Variants in APBA2 observed in about 807,000 individuals in gnomAD.
APBA2 encodes amyloid-beta A4 precursor protein-binding family A member 2.
A neutral mutation model predicts 75.0 loss-of-function variants in APBA2; 30 were observed. That is an observed-to-expected ratio of 0.40 (90% confidence interval 0.30 to 0.54). APBA2 has a LOEUF of 0.54. APBA2 is among the 20% of genes least tolerant of loss of function. The probability of loss-of-function intolerance (pLI) is 0.49; values close to 1 mark genes in which losing one functional copy is unlikely to be tolerated. For missense variants in APBA2, 801 were observed against 1,016.1 expected (o/e 0.79, Z 2.88); for synonymous variants, 444 against 409.6 (o/e 1.08, Z -1.01).
At chr15:28,993,156 CA>C (rs1402028542) in intron 2 of APBA2, among the ~76,000 whole-genome samples, 1 of 152,146 alleles carries the variant, frequency 6.6e-6, no homozygotes, top group Non-Finnish European at 1.5e-5. Flanking sequence ...GCCCGCCCCC[CA>C]AATATGCCTG....
intron 6 of APBA2, among the ~76,000 whole-genome samples, chr15:29,089,335 G>A (rs1370438150): frequency 6.6e-6 from 1 of 152,202 alleles, no homozygotes; most frequent in Non-Finnish European, 1.5e-5. Flanking sequence ...AGGACTGGGT[G>A]GAACTGTACC....
intron 3 of APBA2, among the ~76,000 whole-genome samples, chr15:29,040,115 C>A (rs1234433545): frequency 2.6e-5 from 4 of 152,188 alleles, no homozygotes; most frequent in African/African-American, 9.7e-5. Context: ...TTTGTTTTGT[C>A]TTTTCCTCTC....
intron 10 of APBA2, 85 bp downstream of exon 10, chr15:29,101,869 C>T (rs1324079994): frequency 5.1e-6 from 7 of 1,384,754 alleles, no homozygotes; most frequent in Admixed American, 1.9e-5. Context: ...GGAAACCACC[C>T]TCAGGTGGAA....
At position 29,105,490 on chromosome 15, in the gene APBA2, A is replaced by G. The variant is rs368616906; in HGVS notation, c.1636A>G (p.Ile546Val). ...EDLSQKEYSD[I>V]INTQEMYNDD... is the part of the protein sequence containing the mutation. ...CTTGAGCCAGAAGGAATACAGCGAC[A>G]TCATCAACACCCAGGAGATGTACAA... The change falls in exon 11 of 15, where the codon ATC becomes GTC. Residue 546 changes from isoleucine (I) to valine (V), a missense_variant. Ile to Val is a conservative substitution (Grantham distance 29). Coordinates refer to ENST00000683413, the MANE Select transcript of APBA2 (RefSeq NM_001353788.2). 34 of 1,613,912 alleles carry G rather than the reference A, an allele frequency of 2.1e-5. No homozygotes were observed. The highest frequency in any genetic ancestry group is 2.9e-5 in the Non-Finnish European group (34 of 1,180,048).
chr15:29,070,167 GT>G (rs1398775681), intron 4 of APBA2, among the ~76,000 whole-genome samples: 1 of 152,124 alleles, frequency 6.6e-6, no homozygotes, highest in Non-Finnish European at 1.5e-5. Flanking sequence ...AGTGGTGAGG[GT>G]TGTACAACAT....
At chr15:29,015,425 T>A (rs919879672) in intron 3 of APBA2, among the ~76,000 whole-genome samples, 1 of 152,140 alleles carries the variant, frequency 6.6e-6, no homozygotes, top group Non-Finnish European at 1.5e-5. Flanking sequence ...AGTTGGTAAA[T>A]CCCATCCCAA....
intron 2 of APBA2, among the ~76,000 whole-genome samples, chr15:28,963,059 G>A (rs767534896): frequency 6.6e-6 from 1 of 152,178 alleles, no homozygotes; most frequent in Non-Finnish European, 1.5e-5. Context: ...GGTGCACTGG[G>A]GACTGAATGG....
At chr15:29,076,146 A>T in intron 6 of APBA2, 55 bp downstream of exon 6, 1 of 1,577,116 alleles carries the variant, frequency 6.3e-7, no homozygotes, top group South Asian at 1.1e-5. Context: ...ACATCAAAAT[A>T]AATGGTGCTT....
chr15:29,025,469 G>T (rs371713172), intron 3 of APBA2, among the ~76,000 whole-genome samples: 2 of 128,670 alleles, frequency 1.6e-5, no homozygotes. Context: ...GGTTTTCACC[G>T]TGTTAGCCAG....
intron 4 of APBA2, among the ~76,000 whole-genome samples, chr15:29,056,079 T>TAGC (rs1410555513): frequency 6.6e-6 from 1 of 152,212 alleles, no homozygotes; most frequent in Non-Finnish European, 1.5e-5. Flanking sequence ...ACGTGGGCTG[T>TAGC]GCAGAGCGTG....
chr15:29,046,796 C>T lies in APBA2; in HGVS notation c.-40-7049C>T, dbSNP rs150222707. Among the ~76,000 whole-genome samples, 81 of 152,302 alleles carry T rather than the reference C, an allele frequency of 5.3e-4. No homozygotes were observed. The East Asian group carries it at 0.015, about 29-fold the overall frequency. On this transcript the variant is annotated intron_variant, in intron 3 of 14. Coordinates refer to ENST00000683413, the MANE Select transcript of APBA2 (RefSeq NM_001353788.2). The surrounding 1 kb of genome is among the most constrained non-coding windows in gnomAD (Gnocchi z 5.0). The stretch of plus-strand genomic sequence containing the variant: ...TGCTTTCCTCAGTCCCTCCAAGATG[C>T]ACCCATATCCCACTGCAGGGATGCA...
chr15:29,089,879 G>A (rs2043473849), intron 6 of APBA2, among the ~76,000 whole-genome samples: 1 of 152,166 alleles, frequency 6.6e-6, no homozygotes, highest in African/African-American at 2.4e-5. Flanking sequence ...TCTCCCTCTG[G>A]TGGTCTCAGC....
intron 2 of APBA2, among the ~76,000 whole-genome samples, chr15:28,963,925 T>C (rs1040524953): frequency 4.6e-5 from 7 of 152,168 alleles, no homozygotes; most frequent in Non-Finnish European, 7.3e-5. Flanking sequence ...TTCTGTCCAA[T>C]TGCATGTGCA....
intron 1 of APBA2, among the ~76,000 whole-genome samples, chr15:28,887,301 C>T (rs2031810628): frequency 6.6e-6 from 1 of 152,204 alleles, no homozygotes; most frequent in African/African-American, 2.4e-5. Flanking sequence ...CCTCCTGTGC[C>T]TCTTTCTGTT....
chr15:28,901,235 G>A (rs552045513), intron 1 of APBA2, among the ~76,000 whole-genome samples: 2 of 152,314 alleles, frequency 1.3e-5, no homozygotes, highest in East Asian at 1.9e-4. Flanking sequence ...CATCACCGTG[G>A]CCTGAGGATC....
intron 2 of APBA2, among the ~76,000 whole-genome samples, chr15:28,948,464 C>G (rs2035669192): frequency 6.6e-6 from 1 of 152,034 alleles, no homozygotes; most frequent in South Asian, 2.1e-4. Context: ...GACATGTTAG[C>G]TCTCTGCCCT....
intron 6 of APBA2, among the ~76,000 whole-genome samples, chr15:29,088,411 G>A (rs1480274252): frequency 6.6e-6 from 1 of 152,112 alleles, no homozygotes; most frequent in East Asian, 1.9e-4. Flanking sequence ...CACTAAACTT[G>A]CCTGGAATCC....
intron 3 of APBA2, among the ~76,000 whole-genome samples, chr15:29,045,069 T>TTCTC (rs1555399868): frequency 0.054 from 4,465 of 82,812 alleles, 121 homozygotes; most frequent in Middle Eastern, 0.089. Context: ...CCCTCCCTCC[T>TTCTC]TCTCTCTCTC....
intron 2 of APBA2, among the ~76,000 whole-genome samples, chr15:28,959,679 C>A (rs1308730265): frequency 6.6e-6 from 1 of 152,210 alleles, no homozygotes. Context: ...TAATACAGTG[C>A]CTGTGTGCTA....
Sources: allele counts gnomAD v4.1 joint callset (sites outside exome capture counted in the v4.1 genomes callset), GRCh38; gene constraint gnomAD v4.1.1; non-coding constraint Gnocchi (gnomAD v3.1); transcripts MANE v1.5; gene names NCBI Gene and HGNC (gene_info 2026-07-23, HGNC 2026-07-21).